NUP214: variants seen among roughly 807,000 people sequenced by gnomAD.
NUP214 encodes the protein nuclear pore complex protein Nup214.
A neutral mutation model predicts 196.2 loss-of-function variants in NUP214; 79 were observed. That is an observed-to-expected ratio of 0.40 (90% CI 0.34 to 0.49). The LOEUF (loss-of-function observed/expected upper bound fraction) is 0.49. NUP214 is among the 20% of genes least tolerant of loss of function. The pLI is 0.58. For synonymous variants in NUP214, 1,020 were observed against 990.5 expected (o/e 1.03, Z -0.56); for missense variants, 2,468 against 2,539.0 (o/e 0.97, Z 0.60).
At chr9:131,201,355 G>A (rs755630302) in intron 29 of NUP214, among the ~76,000 whole-genome samples, 4 of 151,210 alleles carry the variant, frequency 2.6e-5, no homozygotes, top group Non-Finnish European at 5.9e-5. Flanking sequence ...GCAGTAAGCC[G>A]AGATCGCGCC....
At chr9:131,215,409 T>C (rs759501658) in intron 31 of NUP214, 41 bp downstream of exon 31, 19 of 1,481,714 alleles carry the variant, frequency 1.3e-5, no homozygotes, top group Non-Finnish European at 1.5e-5. Flanking sequence ...GGTCCCCTAA[T>C]GCCATTGTCA....
intron 18 of NUP214, among the ~76,000 whole-genome samples, chr9:131,161,320 C>T (rs532554788): frequency 4.7e-4 from 71 of 150,478 alleles, no homozygotes; most frequent in Non-Finnish European, 8.7e-4. Context: ...TGCAGTGGCG[C>T]GATCTCGGCT....
chr9:131,153,221 A>G (rs988194861), intron 17 of NUP214: 4 of 152,044 alleles, frequency 2.6e-5, no homozygotes, highest in South Asian at 4.2e-4. Context: ...GTTCACTGGC[A>G]TCTCTGGTCT....
chr9:131,129,001 A>G (rs1831447601), intron 3 of NUP214, among the ~76,000 whole-genome samples: 1 of 152,166 alleles, frequency 6.6e-6, no homozygotes, highest in Admixed American at 6.5e-5. Context: ...CAAGATTTTA[A>G]TCTATTGTCT....
At chr9:131,174,387 T>C in intron 22 of NUP214, 69 bp downstream of exon 22, 1 of 1,511,002 alleles carries the variant, frequency 6.6e-7, no homozygotes, top group Non-Finnish European at 9.0e-7. Flanking sequence ...GAATTGTAAC[T>C]GGGTCTTATA....
intron 4 of NUP214, 114 bp from the exon 5 acceptor site, chr9:131,130,652 A>T: frequency 1.0e-6 from 1 of 974,664 alleles, no homozygotes; most frequent in Non-Finnish European, 1.6e-6. Flanking sequence ...AGATGATCCT[A>T]CAATCTTCCA....
In NUP214 at chr9:131,232,644, G is replaced by A; in HGVS notation, c.6239+336G>A. On this transcript the variant is annotated intron_variant, in intron 35 of 35. Transcript: ENST00000359428. The surrounding 1 kb of genome is among the most constrained non-coding windows in gnomAD (Gnocchi z 5.1). ...TCTCAGAAGCTGCATGCTAACCCCT[G>A]GGCTCTGGGCCATCACCAGGTCTCA... The A allele has an allele frequency of 2.3e-6, 1 of 427,812 alleles. No individual in the cohort carries two copies. The highest frequency in any genetic ancestry group is 4.7e-5 in the East Asian group (1 of 21,198). 26.5% of individuals were successfully genotyped at this position (427,812 alleles called of 1,614,324 possible).
At chr9:131,175,815 T>TAAAA in intron 23 of NUP214, 194 bp downstream of exon 23, 1 of 798,364 alleles carries the variant, frequency 1.3e-6, no homozygotes, top group Non-Finnish European at 1.8e-6. Context: ...TCTTTGCTTT[T>TAAAA]AAGGGGAGGG....
intron 10 of NUP214, 78 bp from the exon 11 acceptor site, chr9:131,140,471 T>C (rs2133477010): frequency 7.9e-7 from 1 of 1,258,596 alleles, no homozygotes; most frequent in Non-Finnish European, 1.1e-6. Context: ...CCTCTTCATG[T>C]TGAGGGCAGT....
intron 5 of NUP214, 38 bp downstream of exon 5, chr9:131,130,874 T>G: frequency 1.7e-5 from 26 of 1,572,470 alleles, no homozygotes; most frequent in Non-Finnish European, 2.3e-5. Flanking sequence ...TTTTCTTAAG[T>G]TGCCCACTTT....
intron 31 of NUP214, among the ~76,000 whole-genome samples, chr9:131,220,725 A>G (rs1477991313): frequency 6.6e-6 from 1 of 152,240 alleles, no homozygotes; most frequent in East Asian, 1.9e-4. Context: ...GACTTAGGAT[A>G]GTTAAGTCCT....
chr9:131,176,466 A>G (rs1262339130), intron 23 of NUP214, among the ~76,000 whole-genome samples: 1 of 151,912 alleles, frequency 6.6e-6, no homozygotes, highest in Non-Finnish European at 1.5e-5. Flanking sequence ...AGCTAGGACT[A>G]CAGGCATGCA....
chr9:131,142,194 C>T (rs1266173082), intron 11 of NUP214, among the ~76,000 whole-genome samples: 1 of 152,148 alleles, frequency 6.6e-6, no homozygotes. Flanking sequence ...TACCCAGCTG[C>T]CTGGTGTGTC....
At position 131,175,392 on chromosome 9, in the gene NUP214, A is replaced by G. The variant is rs942705941; in HGVS notation, c.3158-68A>G. 22 of 1,555,528 alleles carry G rather than the reference A, an allele frequency of 1.4e-5. No homozygotes were observed. The African/African-American group carries it at 1.9e-4, about 13-fold the overall frequency. ...CCCTGCAGTCGAACATAAAGAATTT[A>G]CCAATTTAACCTTTTGTATTTTCCT... On this transcript the variant is annotated intron_variant, in intron 22 of 35. Transcript: ENST00000359428.
chr9:131,212,816 G>A (rs1022540997), intron 30 of NUP214, among the ~76,000 whole-genome samples: 2 of 152,140 alleles, frequency 1.3e-5, no homozygotes, highest in African/African-American at 4.8e-5. Flanking sequence ...AAAATTAGTG[G>A]ATGAAATGAT....
chr9:131,195,320 T>TATG, intron 28 of NUP214, 26 bp downstream of exon 28: 1 of 1,579,758 alleles, frequency 6.3e-7, no homozygotes, highest in Non-Finnish European at 8.7e-7. Flanking sequence ...TGAGTAGCAT[T>TATG]ACTCATGTGT....
chr9:131,191,917 T>C (rs771021048), intron 26 of NUP214: 39 of 235,434 alleles, frequency 1.7e-4, no homozygotes, highest in Non-Finnish European at 3.0e-4. Flanking sequence ...TTTAAAACTG[T>C]ACATTTAAAC....
rs1833089887 is a variant in NUP214, at chr9:131,175,510, C to A, written c.3208C>A (p.Leu1070Ile). The change falls in exon 23 of 36, where the codon CTT becomes ATT. Residue 1070 changes from leucine to isoleucine, a missense_variant. By Grantham distance (5) the Leu-to-Ile change is conservative. Coordinates refer to ENST00000359428, the MANE Select transcript of NUP214 (RefSeq NM_005085.4). ...IIPQGADSTM[L>I]ATKTVKHGAP... ...TCCTCAAGGGGCCGATAGCACAATG[C>A]TTGCCACGAAAACCGTGAAACATGG... 2 of 1,614,100 alleles carry A rather than the reference C, an allele frequency of 1.2e-6. No homozygotes were observed. The highest frequency in any genetic ancestry group is 1.7e-5 in the Admixed American group (1 of 60,008).
intron 18 of NUP214, among the ~76,000 whole-genome samples, chr9:131,159,902 A>G (rs1201216037): frequency 6.6e-6 from 1 of 151,936 alleles, no homozygotes; most frequent in East Asian, 1.9e-4. Context: ...CAAAACGTTC[A>G]TTCTTTTTAA....
Sources: allele counts gnomAD v4.1 joint callset (sites outside exome capture counted in the v4.1 genomes callset), GRCh38; gene constraint gnomAD v4.1.1; non-coding constraint Gnocchi (gnomAD v3.1); transcripts MANE v1.5; gene names NCBI Gene and HGNC (gene_info 2026-07-23, HGNC 2026-07-21).